The following COL20A1 variants were observed in gnomAD, a reference collection of about 807,000 sequenced individuals.
The protein encoded by COL20A1 is collagen alpha-1(XX) chain.
A neutral mutation model predicts 152.9 loss-of-function variants in COL20A1; 164 were observed. The observed-to-expected ratio is 1.07, with a 90% confidence interval of 0.94 to 1.22. COL20A1 has a LOEUF of 1.22. Among genes scored for constraint, COL20A1 ranks in the 50% most tolerant of loss-of-function variants. The probability of loss-of-function intolerance (pLI) is 0.00; values close to 1 mark genes in which losing one functional copy is unlikely to be tolerated. For missense variants in COL20A1, 1,873 were observed against 1,744.8 expected (o/e 1.07, Z -1.31); for synonymous variants, 864 against 756.0 (o/e 1.14, Z -2.34).
chr20:63,323,019 C>G (rs1279523565), intron 27 of COL20A1, among the ~76,000 whole-genome samples: 4 of 152,252 alleles, frequency 2.6e-5, no homozygotes, highest in Non-Finnish European at 5.9e-5. Context: ...ACTGGCCCGG[C>G]AGAGCCGTGC....
chr20:63,310,414 C>A lies in COL20A1; in HGVS notation c.1297C>A (p.Leu433Met), dbSNP rs781503198. The change falls in exon 11 of 36, where the codon CTG becomes ATG. Residue 433 changes from leucine to methionine, a missense_variant. Leu to Met is a conservative substitution (Grantham distance 15). Transcript: ENST00000358894. The part of the protein sequence containing the change: ...VVEGPAASTE[L>M]HNLASRTEYL... ...GGAGGGACCCGCCGCCTCCACGGAG[C>A]TGCACAACCTGGCCTCCCGCACAGA... is the stretch of plus-strand genomic sequence containing the variant. 1.2e-6 allele frequency: 2 copies of A among 1,610,872 alleles called. No individual in the cohort carries two copies. The highest frequency in any genetic ancestry group is 2.2e-5 in the South Asian group (2 of 90,476).
In COL20A1 at chr20:63,293,211, C is replaced by T. The variant is rs1200759833; in HGVS notation, c.-75C>T. 1.3e-5 allele frequency: 2 copies of T among 152,224 alleles called. No individual in the cohort carries two copies. Among genetic ancestry groups the T allele is most frequent in the African/African-American group, 4.8e-5 (2 of 41,402 alleles). The allele number at this position is 152,224 out of a possible 1,614,324, so 9.4% of individuals were successfully genotyped here. On this transcript the variant is annotated 5_prime_UTR_variant, in exon 1 of 36. Coordinates refer to ENST00000358894, the MANE Select transcript of COL20A1 (RefSeq NM_020882.4). ...ATAAGCTCCAGCCTTCCTGTGGCCA[C>T]AGCAGGACCAGAGTGGACCAGCACA...
chr20:63,317,020 G>A (rs1055774292), intron 21 of COL20A1, among the ~76,000 whole-genome samples: 6 of 152,106 alleles, frequency 3.9e-5, no homozygotes, highest in African/African-American at 1.4e-4. Flanking sequence ...GGGCCAAACT[G>A]CCAGTAGCCG....
Position 63,322,075 on chromosome 20 carries a change from T to C in COL20A1, c.3258T>C (p.Asn1086=). The C allele has an allele frequency of 6.6e-7, 1 of 1,507,676 alleles. No homozygotes were observed. Among genetic ancestry groups the C allele is most frequent in the Non-Finnish European group, 8.8e-7 (1 of 1,131,990 alleles). 93.4% of individuals were successfully genotyped at this position (1,507,676 alleles called of 1,614,324 possible). Residue 1086 remains asparagine, a synonymous_variant, in exon 27 of 36, where the codon AAT becomes AAC. Coordinates refer to ENST00000358894, the MANE Select transcript of COL20A1 (RefSeq NM_020882.4). ...CTCTGCAGGGCCTCCCTGGGAGGAA[T>C]GGCACCCCAGGAGAGCAGGGCTTCC... is the stretch of plus-strand genomic sequence containing the variant. ...PQGPPGLPGR[N]GTPGEQGFPG... is the part of the protein sequence containing the mutation.
At chr20:63,321,380 C>T (rs899393473) in intron 26 of COL20A1, among the ~76,000 whole-genome samples, 3 of 152,220 alleles carry the variant, frequency 2.0e-5, no homozygotes, top group Non-Finnish European at 4.4e-5. Flanking sequence ...GGAAGGGGGG[C>T]CAGGCGCAGC....
At chr20:63,303,176 C>T (rs2067880767) in intron 3 of COL20A1, among the ~76,000 whole-genome samples, 1 of 152,202 alleles carries the variant, frequency 6.6e-6, no homozygotes, top group Non-Finnish European at 1.5e-5. Flanking sequence ...CCAGGCAACG[C>T]TAGGACCTTA....
At chr20:63,314,498 G>A (rs2068058539) in intron 19 of COL20A1, among the ~76,000 whole-genome samples, 1 of 152,106 alleles carries the variant, frequency 6.6e-6, no homozygotes, top group Non-Finnish European at 1.5e-5. Flanking sequence ...GAGAACCACA[G>A]GTCCAGGGCG....
At chr20:63,309,009 C>T (rs2067967870) in intron 8 of COL20A1, among the ~76,000 whole-genome samples, 1 of 152,178 alleles carries the variant, frequency 6.6e-6, no homozygotes, top group South Asian at 2.1e-4. Flanking sequence ...TGGCCACCAT[C>T]CCTGTGCCTG....
Position 63,318,322 on chromosome 20 carries a change from G to T in COL20A1, c.2664-736G>T, listed in dbSNP as rs368385276. Among the ~76,000 whole-genome samples, 27 of 152,330 alleles carry T rather than the reference G, an allele frequency of 1.8e-4. 1 individual carries two copies. In the South Asian group the frequency reaches 3.9e-3, roughly 22 times the overall value. On this transcript the variant is annotated intron_variant, in intron 21 of 35. Transcript: ENST00000358894. The stretch of plus-strand genomic sequence containing the variant: ...AGTCTGCTCTCGGGATGGCAGGAAG[G>T]TGGCTGGGCATCCTAAGAGTGAATG...
chr20:63,308,855 G>T lies in COL20A1; in HGVS notation c.940+149G>T. On this transcript the variant is annotated intron_variant, in intron 8 of 35. Transcript: ENST00000358894. ...CTGCACGCAGAGCCAGGCACCGCCT[G>T]GCACTCAGAGGCGATGGCACAGGCG... The T allele has an allele frequency of 1.1e-5, 8 of 745,004 alleles. No individual in the cohort carries two copies. In the South Asian group the frequency reaches 1.4e-4, roughly 13 times the overall value. The allele number at this position is 745,004 out of a possible 1,614,324, so 46.1% of individuals were successfully genotyped here.
At chr20:63,317,743 C>G (rs936015432) in intron 21 of COL20A1, among the ~76,000 whole-genome samples, 40 of 152,042 alleles carry the variant, frequency 2.6e-4, no homozygotes, top group African/African-American at 9.4e-4. Context: ...GCTGCACATG[C>G]CCCCTGTGCT....
Position 63,313,245 on chromosome 20 carries a change from C to T in COL20A1, c.2205C>T (p.Thr735=), listed in dbSNP as rs768244408. 3.7e-6 allele frequency: 6 copies of T among 1,607,606 alleles called. No individual in the cohort carries two copies. In the Admixed American group the frequency reaches 6.7e-5, roughly 18 times the overall value. ...GTGACCCTGTGTCCCTCCGCTATAC[C>T]CCCTGTAGGTGCCCCTCCACTTCCC... ...ARSDPVSLRY[T]PSTVSRSPPS... Residue 735 remains threonine, a synonymous_variant, in exon 17 of 36, where the codon ACC becomes ACT. Transcript: ENST00000358894. This position sits in a 1 kb window ranked among gnomAD's most constrained non-coding sequence, Gnocchi z 5.9.
chr20:63,320,890 C>A (rs112246653), intron 25 of COL20A1, 123 bp from the exon 26 acceptor site: 36,773 of 713,108 alleles, frequency 0.052, 1,240 homozygotes, highest in South Asian at 0.073. Context: ...TTCGCCCCTG[C>A]CTCCCAGGTG....
intron 5 of COL20A1, 105 bp from the exon 6 acceptor site, chr20:63,307,385 C>A: frequency 8.8e-7 from 1 of 1,136,028 alleles, no homozygotes; most frequent in Non-Finnish European, 1.2e-6. Context: ...GAAACCTGGC[C>A]CAGCCTGCCT....
chr20:63,306,172 T>C lies in COL20A1; in HGVS notation c.496+133T>C. The C allele has an allele frequency of 1.3e-6, 1 of 746,428 alleles. No individual in the cohort carries two copies. Among genetic ancestry groups the C allele is most frequent in the Non-Finnish European group, 2.1e-6 (1 of 472,078 alleles). The allele number at this position is 746,428 out of a possible 1,614,324, so 46.2% of individuals were successfully genotyped here. A position where few individuals can be genotyped will look rare whatever the true frequency, so the allele number is the denominator to read the frequency against. ...GTCTCTGACCACGAGGCCAGGAAGTTCTTCCTCGTGTCTGACCACACGGTC... is the reference window on the plus strand; with the variant it reads ...GTCTCTGACCACGAGGCCAGGAAGTCCTTCCTCGTGTCTGACCACACGGTC... On this transcript the variant is annotated intron_variant, in intron 5 of 35. Coordinates refer to ENST00000358894, the MANE Select transcript of COL20A1 (RefSeq NM_020882.4). This position sits in a 1 kb window ranked among gnomAD's most constrained non-coding sequence, Gnocchi z 6.9.
chr20:63,294,180 G>C (rs1213592268), intron 1 of COL20A1, among the ~76,000 whole-genome samples: 1 of 130 alleles, frequency 7.7e-3, no homozygotes, highest in Admixed American at 0.045. Flanking sequence ...TGCGGGGGAG[G>C]GGGCGTGCAG....
At position 63,311,514 on chromosome 20, in the gene COL20A1, C is replaced by T; in HGVS notation, c.1514C>T (p.Pro505Leu). 3 of 1,590,304 alleles carry T rather than the reference C, an allele frequency of 1.9e-6. No individual in the cohort carries two copies. Among genetic ancestry groups the T allele is most frequent in the Non-Finnish European group, 2.6e-6 (3 of 1,169,000 alleles). ...HYLVRCSPAS[P>L]KGEEEEREVQ... The stretch of plus-strand genomic sequence containing the variant: ...CTGGTGCGATGTTCTCCTGCTTCCC[C>T]CAAGGGTGAAGAGGAGGAGCGAGAG... Residue 505 changes from proline to leucine, a missense_variant, in exon 12 of 36, where the codon CCC becomes CTC. By Grantham distance (98) the Pro-to-Leu change is moderately conservative. Coordinates refer to ENST00000358894, the MANE Select transcript of COL20A1 (RefSeq NM_020882.4). The surrounding 1 kb of genome is among the most constrained non-coding windows in gnomAD (Gnocchi z 4.4).
chr20:63,312,170 G>A (rs1057318922), intron 14 of COL20A1, 115 bp downstream of exon 14: 8 of 1,302,058 alleles, frequency 6.1e-6, no homozygotes, highest in Middle Eastern at 2.4e-4. Flanking sequence ...CAGCGGCCAC[G>A]AGGCACAGCG....
chr20:63,314,126 A>G lies in COL20A1; in HGVS notation c.2413A>G (p.Thr805Ala). The change falls in exon 19 of 36, where the codon ACG (threonine) becomes GCG (alanine). Residue 805 changes from threonine (T) to alanine (A), a missense_variant. Physicochemically the swap from Thr to Ala is moderately conservative, Grantham distance 58. Transcript: ENST00000358894. ...GACACTGCCCGACCTGCAGGCAGCCACGAAGTACAGGGTCCTGGTCTCAGC... is the reference window on the plus strand; with the variant it reads ...GACACTGCCCGACCTGCAGGCAGCCGCGAAGTACAGGGTCCTGGTCTCAGC... ...HVTLPDLQAATKYRVLVSAIY... is the reference protein window; with the variant it reads ...HVTLPDLQAAAKYRVLVSAIY... The G allele has an allele frequency of 6.2e-7, 1 of 1,611,874 alleles. No individual in the cohort carries two copies. The highest frequency in any genetic ancestry group is 8.5e-7 in the Non-Finnish European group (1 of 1,179,396).
Sources: gnomAD v4.1 joint callset for allele counts (sites outside exome capture counted in the v4.1 genomes callset) on GRCh38, gnomAD v4.1.1 for gene constraint, Gnocchi (gnomAD v3.1) non-coding constraint, MANE v1.5 for transcripts, NCBI Gene and HGNC (gene_info 2026-07-23, HGNC 2026-07-21) for gene names.